Variants in EDA observed in about 807,000 individuals in gnomAD.
EDA encodes the protein ectodysplasin A, also known as ectodysplasin-A.
In EDA, 2 loss-of-function variants were observed where a neutral mutation model predicts 23.6. That is an observed-to-expected ratio of 0.08 (90% confidence interval 0.03 to 0.27). The LOEUF (loss-of-function observed/expected upper bound fraction) is 0.27, where lower values mean the gene tolerates loss of function less well. EDA is among the 10% of genes least tolerant of loss of function. The probability of loss-of-function intolerance (pLI) is 1.00; values close to 1 mark genes in which losing one functional copy is unlikely to be tolerated. For synonymous variants in EDA, 131 were observed against 132.0 expected (o/e 0.99, Z 0.05); for missense variants, 229 against 324.2 (o/e 0.71, Z 2.26).
intron 5 of EDA, 75 bp downstream of exon 5, chrX:70,029,613 A>C: frequency 9.4e-7 from 1 of 1,061,252 alleles, no homozygotes; most frequent in Non-Finnish European, 1.3e-6. Context: ...TTAGCTTCTT[A>C]TTAGATTTCC....
chrX:69,725,647 T>C (rs1269476037), intron 1 of EDA, among the ~76,000 whole-genome samples: 1 of 112,387 alleles, frequency 8.9e-6, no homozygotes, highest in Non-Finnish European at 1.9e-5. Flanking sequence ...TATTGACACA[T>C]AGCATGTGCT....
At position 69,643,838 on chromosome X, in the gene EDA, C is replaced by G. The variant is rs751338158; in HGVS notation, c.396+27134C>G. 1.6e-3 allele frequency among the ~76,000 whole-genome samples: 180 copies of G among 111,623 alleles called. 1 individual carries two copies. The highest frequency in any genetic ancestry group is 5.7e-3 in the African/African-American group (176 of 30,776). ...ATTTTCTGCATATGGCTAGCCAGTT[C>G]TCCCAGCACCATTTATTAAATAGGG... On this transcript the variant is annotated intron_variant, in intron 1 of 7. Transcript: ENST00000374552.
chrX:69,864,489 A>C (rs1215313931), intron 1 of EDA, among the ~76,000 whole-genome samples: 1 of 111,714 alleles, frequency 9.0e-6, no homozygotes, highest in Admixed American at 9.5e-5. Context: ...CTTCCCTCTG[A>C]CATAGTCTAC....
intron 1 of EDA, among the ~76,000 whole-genome samples, chrX:69,940,767 T>G (rs1207644712): frequency 9.0e-6 from 1 of 111,706 alleles, no homozygotes; most frequent in African/African-American, 3.3e-5. Flanking sequence ...CCTCAAACAT[T>G]TATCCCTTGT....
chrX:69,684,574 G>A (rs905764708), intron 1 of EDA, among the ~76,000 whole-genome samples: 11 of 111,618 alleles, frequency 9.9e-5, no homozygotes, highest in African/African-American at 2.3e-4. Flanking sequence ...AGGACAACTC[G>A]ACTAACTCCT....
chrX:69,712,890 T>G (rs1425352724), intron 1 of EDA, among the ~76,000 whole-genome samples: 1 of 110,661 alleles, frequency 9.0e-6, no homozygotes, highest in African/African-American at 3.3e-5. Context: ...CATAAAAAAA[T>G]GATGAGTTCA....
At chrX:70,011,722 G>A (rs1250071051) in intron 2 of EDA, among the ~76,000 whole-genome samples, 3 of 111,554 alleles carry the variant, frequency 2.7e-5, no homozygotes, top group South Asian at 3.8e-4. Context: ...TTGCAAGGCC[G>A]ATCTACTAGC....
chrX:69,665,594 G>T (rs1933655939), intron 1 of EDA, among the ~76,000 whole-genome samples: 1 of 111,217 alleles, frequency 9.0e-6, no homozygotes, highest in Non-Finnish European at 1.9e-5. Flanking sequence ...TGGTGCCGTT[G>T]TCACAAAGTA....
At chrX:69,740,131 T>C (rs780074551) in intron 1 of EDA, among the ~76,000 whole-genome samples, 18 of 111,382 alleles carry the variant, frequency 1.6e-4, no homozygotes, top group Admixed American at 1.5e-3. Context: ...AATAATTCAA[T>C]TATATACCTA....
intron 2 of EDA, among the ~76,000 whole-genome samples, chrX:70,012,350 G>A (rs2019888224): frequency 8.9e-6 from 1 of 112,153 alleles, no homozygotes; most frequent in Non-Finnish European, 1.9e-5. Context: ...TTTGCTCTGA[G>A]TCAAGATGCT....
chrX:69,910,370 AGAGAGTGTGTGTGTGT>A (rs1163911911), intron 1 of EDA, among the ~76,000 whole-genome samples: 1,098 of 46,048 alleles, frequency 0.024, 16 homozygotes, highest in African/African-American at 0.07. Context: ...AGAGAGAGAG[AGAGAGTGTGTGTGTGT>A]GTGTGTGTGT....
At chrX:69,999,122 A>C (rs1304557729) in intron 2 of EDA, among the ~76,000 whole-genome samples, 1 of 111,804 alleles carries the variant, frequency 8.9e-6, no homozygotes, top group East Asian at 2.8e-4. Context: ...ATAAATGGAA[A>C]ACAGATAAGA....
intron 1 of EDA, among the ~76,000 whole-genome samples, chrX:69,808,418 A>G (rs2015865199): frequency 9.0e-6 from 1 of 111,450 alleles, no homozygotes; most frequent in Admixed American, 9.5e-5. Flanking sequence ...AGCTCACCTA[A>G]GCTTTAGTGT....
chrX:69,838,494 G>T (rs989797300), intron 1 of EDA, among the ~76,000 whole-genome samples: 4 of 111,899 alleles, frequency 3.6e-5, no homozygotes, highest in Non-Finnish European at 7.5e-5. Context: ...GGGCGTGGTG[G>T]CAGGCGCCTG....
intron 1 of EDA, among the ~76,000 whole-genome samples, chrX:69,813,870 T>A (rs1423963244): frequency 9.0e-6 from 1 of 110,575 alleles, no homozygotes; most frequent in Non-Finnish European, 1.9e-5. Flanking sequence ...AGACCATCTG[T>A]GCTTTCAGTC....
At chrX:69,815,177 T>G (rs1302724026) in intron 1 of EDA, among the ~76,000 whole-genome samples, 1 of 112,135 alleles carries the variant, frequency 8.9e-6, no homozygotes, top group African/African-American at 3.2e-5. Context: ...GGAGGGGAAG[T>G]TGCCATCTCT....
intron 1 of EDA, among the ~76,000 whole-genome samples, chrX:69,862,035 T>G (rs1003858700): frequency 8.9e-6 from 1 of 112,216 alleles, no homozygotes; most frequent in Non-Finnish European, 1.9e-5. Flanking sequence ...TCCTGAGAGT[T>G]AGGAATCTGG....
At chrX:69,819,681 A>T (rs1300384333) in intron 1 of EDA, among the ~76,000 whole-genome samples, 2 of 111,126 alleles carry the variant, frequency 1.8e-5, no homozygotes, top group African/African-American at 6.6e-5. Flanking sequence ...GACATGAAGG[A>T]CCTCTTCAAG....
chrX:69,973,717 T>G (rs10284094), intron 2 of EDA, among the ~76,000 whole-genome samples: 10,636 of 111,255 alleles, frequency 0.096, 1,250 homozygotes, highest in African/African-American at 0.33. Flanking sequence ...ATCAACAGAA[T>G]AGTGTATGGA....
Sources: gnomAD v4.1 joint callset for allele counts (sites outside exome capture counted in the v4.1 genomes callset) on GRCh38, gnomAD v4.1.1 for gene constraint, MANE v1.5 for transcripts, NCBI Gene and HGNC (gene_info 2026-07-23, HGNC 2026-07-21) for gene names.